The following REEP3 variants were observed in gnomAD, a reference collection of about 807,000 sequenced individuals.
REEP3 encodes the protein receptor accessory protein 3, also known as receptor expression-enhancing protein 3.
A neutral mutation model predicts 41.3 loss-of-function variants in REEP3; 20 were observed. The observed-to-expected ratio is 0.48, with a 90% CI of 0.34 to 0.70. The LOEUF (loss-of-function observed/expected upper bound fraction) is 0.70, where lower values mean the gene tolerates loss of function less well. Ranked by LOEUF, REEP3 falls within the 30% of genes least tolerant of loss-of-function variation. The probability of loss-of-function intolerance (pLI) is 0.01; values close to 1 mark genes in which losing one functional copy is unlikely to be tolerated. For synonymous variants in REEP3, 104 were observed against 101.8 expected (o/e 1.02, Z -0.13); for missense variants, 271 against 308.8 (o/e 0.88, Z 0.92).
chr10:63,592,835 G>A (rs1017414192), intron 2 of REEP3, among the ~76,000 whole-genome samples: 2 of 152,186 alleles, frequency 1.3e-5, no homozygotes, highest in Non-Finnish European at 2.9e-5. Context: ...GGAAGTTGCA[G>A]TAAGCCGAGA....
intron 2 of REEP3, among the ~76,000 whole-genome samples, chr10:63,578,574 A>C (rs905229049): frequency 6.6e-6 from 1 of 151,956 alleles, no homozygotes; most frequent in South Asian, 2.1e-4. Flanking sequence ...CAGGAGTTTG[A>C]GACCAGCCAG....
intron 1 of REEP3, among the ~76,000 whole-genome samples, chr10:63,524,395 A>G (rs1213864088): frequency 6.6e-6 from 1 of 152,020 alleles, no homozygotes; most frequent in Non-Finnish European, 1.5e-5. Context: ...TTGTCCCAAG[A>G]TCCTGCACTT....
chr10:63,620,604 T>G (rs1564494370), intron 7 of REEP3, among the ~76,000 whole-genome samples: 2 of 137,474 alleles, frequency 1.5e-5, no homozygotes, highest in Non-Finnish European at 3.1e-5. Context: ...TTTTATGTTA[T>G]TAGTAATAAT....
At position 63,534,258 on chromosome 10, in the gene REEP3, T is replaced by G. The variant is rs1344107709; in HGVS notation, c.32+12681T>G. ...AAGTATTATTATTTTTTATTTTTTT[T>G]TTGTTTTTTAGAGACAGGGTCTCCC... On this transcript the variant is annotated intron_variant, in intron 1 of 7. Coordinates refer to ENST00000373758, the MANE Select transcript of REEP3 (RefSeq NM_001001330.3). 7.2e-5 allele frequency among the ~76,000 whole-genome samples: 11 copies of G among 152,210 alleles called. No homozygotes were observed. The East Asian group carries it at 1.9e-3, about 27-fold the overall frequency.
At chr10:63,604,942 G>A (rs1334244522) in intron 5 of REEP3, among the ~76,000 whole-genome samples, 1 of 152,122 alleles carries the variant, frequency 6.6e-6, no homozygotes, top group African/African-American at 2.4e-5. Flanking sequence ...AGGCAATTTT[G>A]TGCCCCTACC....
chr10:63,575,817 TC>T (rs1236769850), intron 2 of REEP3, among the ~76,000 whole-genome samples: 1 of 152,208 alleles, frequency 6.6e-6, no homozygotes, highest in African/African-American at 2.4e-5. Flanking sequence ...CACCGCAACC[TC>T]TGCCTCCCAG....
intron 1 of REEP3, among the ~76,000 whole-genome samples, chr10:63,523,763 C>T (rs551283802): frequency 2.0e-5 from 3 of 152,270 alleles, no homozygotes; most frequent in South Asian, 2.1e-4. Flanking sequence ...TTACAGTGGG[C>T]GTGAGGGACT....
At chr10:63,555,160 G>C (rs956921608) in intron 1 of REEP3, among the ~76,000 whole-genome samples, 1 of 152,154 alleles carries the variant, frequency 6.6e-6, no homozygotes, top group African/African-American at 2.4e-5. Context: ...AAAACATAAA[G>C]TCTTTCAAAG....
At position 63,598,009 on chromosome 10, in the gene REEP3, T is replaced by C; in HGVS notation, c.183-15T>C. On this transcript the variant is annotated splice_polypyrimidine_tract_variant and intron_variant, in intron 3 of 7. Coordinates refer to ENST00000373758, the MANE Select transcript of REEP3 (RefSeq NM_001001330.3). ...TTTTCACTGGCAGTTTATTTCCAAA[T>C]GTTTTTCTTATTAGGTTTCCCCTGT... The C allele has an allele frequency of 8.2e-6, 13 of 1,590,428 alleles. No individual in the cohort carries two copies. Among genetic ancestry groups the C allele is most frequent in the Middle Eastern group, 1.7e-4 (1 of 5,890 alleles).
chr10:63,604,630 A>G (rs1444723215), intron 5 of REEP3, among the ~76,000 whole-genome samples: 2 of 152,158 alleles, frequency 1.3e-5, no homozygotes, highest in African/African-American at 4.8e-5. Context: ...TTGAGGATAT[A>G]CAGCTTAGTA....
chr10:63,579,648 A>G (rs1424332872), intron 2 of REEP3, among the ~76,000 whole-genome samples: 1 of 152,258 alleles, frequency 6.6e-6, no homozygotes, highest in Admixed American at 6.5e-5. Context: ...TCACAGTAAT[A>G]CTTAAACCTA....
intron 2 of REEP3, among the ~76,000 whole-genome samples, chr10:63,584,349 G>A (rs571699180): frequency 7.3e-5 from 11 of 151,592 alleles, no homozygotes; most frequent in African/African-American, 1.7e-4. Context: ...ATGGGCATGG[G>A]GGGAGAAGTA....
chr10:63,521,439 C>T lies in REEP3; in HGVS notation c.-107C>T. 1 of 575,050 alleles carries T rather than the reference C, an allele frequency of 1.7e-6. No individual in the cohort carries two copies. The allele number at this position is 575,050 out of a possible 1,614,324, so 35.6% of individuals were successfully genotyped here. A position where few individuals can be genotyped will look rare whatever the true frequency, so the allele number is the denominator to read the frequency against. ...GGCTCCTGAGGGCGCCAGCGCGGCC[C>T]CGGGGAGCGCGAGGAGCCGGCGAAG... is the stretch of plus-strand genomic sequence containing the variant. On this transcript the variant is annotated 5_prime_UTR_variant, in exon 1 of 8. Coordinates refer to ENST00000373758, the MANE Select transcript of REEP3 (RefSeq NM_001001330.3).
In REEP3 at chr10:63,529,694, C is replaced by T. The variant is rs940310679; in HGVS notation, c.32+8117C>T. Among the ~76,000 whole-genome samples, 12 of 152,096 alleles carry T rather than the reference C, an allele frequency of 7.9e-5. No individual in the cohort carries two copies. The South Asian group carries it at 2.3e-3, about 29-fold the overall frequency. ...TATTGCCCAGGCTGGTCTCCAACTC[C>T]TGGCCTCAAGCATTCCTACCACCTT... On this transcript the variant is annotated intron_variant, in intron 1 of 7. Coordinates refer to ENST00000373758, the MANE Select transcript of REEP3 (RefSeq NM_001001330.3).
intron 2 of REEP3, among the ~76,000 whole-genome samples, chr10:63,576,595 G>C (rs1955900632): frequency 1.3e-5 from 2 of 152,290 alleles, no homozygotes; most frequent in South Asian, 4.2e-4. Flanking sequence ...TCCAAATAAG[G>C]TCACGTTCTG....
intron 1 of REEP3, among the ~76,000 whole-genome samples, chr10:63,541,686 C>T (rs773614517): frequency 1.4e-4 from 21 of 151,190 alleles, no homozygotes; most frequent in Non-Finnish European, 2.9e-4. Context: ...AACGAAAGAA[C>T]TGAGTACTTA....
intron 1 of REEP3, among the ~76,000 whole-genome samples, chr10:63,528,793 C>T (rs1489770949): frequency 6.6e-6 from 1 of 152,194 alleles, no homozygotes; most frequent in Non-Finnish European, 1.5e-5. Flanking sequence ...TTGATGGCCC[C>T]TGCCTCAGTG....
chr10:63,579,039 T>A (rs1331080376), intron 2 of REEP3, among the ~76,000 whole-genome samples: 5 of 114,404 alleles, frequency 4.4e-5, no homozygotes, highest in African/African-American at 1.4e-4. Flanking sequence ...TGTGTTTTTT[T>A]TTGGGGGGGG....
At chr10:63,587,515 C>T (rs1956018950) in intron 2 of REEP3, among the ~76,000 whole-genome samples, 1 of 152,202 alleles carries the variant, frequency 6.6e-6, no homozygotes, top group African/African-American at 2.4e-5. Context: ...CCGCTATGAT[C>T]ATAGTATGTA....
Sources: gnomAD v4.1 joint callset for allele counts (sites outside exome capture counted in the v4.1 genomes callset) on GRCh38, gnomAD v4.1.1 for gene constraint, MANE v1.5 for transcripts, NCBI Gene and HGNC (gene_info 2026-07-23, HGNC 2026-07-21) for gene names.